The following PTPRS variants were observed in gnomAD, a reference collection of about 807,000 sequenced individuals.
The protein encoded by PTPRS is receptor-type tyrosine-protein phosphatase S.
In PTPRS, 63 loss-of-function variants were observed where a neutral mutation model predicts 215.3. The ratio of observed to expected loss-of-function variants is 0.29; its 90% CI spans 0.24 to 0.36. PTPRS has a LOEUF of 0.36. Among genes scored for constraint, PTPRS ranks in the 10% least tolerant of loss-of-function variants. PTPRS has a pLI of 1.00. For synonymous variants in PTPRS, 1,404 were observed against 1,191.4 expected (o/e 1.18, Z -3.68); for missense variants, 2,258 against 2,825.8 (o/e 0.80, Z 4.56).
chr19:5,225,860 G>C lies in PTPRS; in HGVS notation c.2377-16C>G. The C allele has an allele frequency of 6.2e-7, 1 of 1,607,670 alleles. No homozygotes were observed. Among genetic ancestry groups the C allele is most frequent in the Non-Finnish European group, 8.5e-7 (1 of 1,174,450 alleles). ...TGACCATCTCCTGCAGGCACGGCTG[G>C]GGGTCAGCACGACGGCTGGGGCTGG... On this transcript the variant is annotated splice_polypyrimidine_tract_variant and intron_variant, in intron 16 of 37. Transcript: ENST00000262963.
At chr19:5,227,034 CAG>C (rs1391488774) in intron 16 of PTPRS, among the ~76,000 whole-genome samples, 1 of 152,058 alleles carries the variant, frequency 6.6e-6, no homozygotes, top group Admixed American at 6.6e-5. Flanking sequence ...CCTGCCCACC[CAG>C]AGAGCTGATT....
At chr19:5,299,271 T>G in intron 1 of PTPRS, among the ~76,000 whole-genome samples, 1 of 151,864 alleles carries the variant, frequency 6.6e-6, no homozygotes. Flanking sequence ...CTGCCCTCCA[T>G]TCCTCCCTCT....
At chr19:5,220,806 C>G (rs1258105948) in intron 20 of PTPRS, among the ~76,000 whole-genome samples, 194 bp downstream of exon 20, 4 of 152,122 alleles carry the variant, frequency 2.6e-5, no homozygotes, top group Admixed American at 2.0e-4. Flanking sequence ...GCTAGAAGAG[C>G]AGACACAGGA....
At position 5,229,693 on chromosome 19, in the gene PTPRS, C is replaced by CGGGAG. The variant is rs538484063; in HGVS notation, c.2156-14_2156-10dup. 1.3e-4 allele frequency: 34 copies of CGGGAG among 265,076 alleles called. No homozygotes were observed. Among genetic ancestry groups the CGGGAG allele is most frequent in the Admixed American group, 1.9e-4 (3 of 15,794 alleles). The allele number at this position is 265,076 out of a possible 1,614,324, so 16.4% of individuals were successfully genotyped here. A position where few individuals can be genotyped will look rare whatever the true frequency, so the allele number is the denominator to read the frequency against. On this transcript the variant is annotated splice_polypyrimidine_tract_variant and intron_variant, in intron 14 of 37. Coordinates refer to ENST00000262963, the MANE Select transcript of PTPRS (RefSeq NM_002850.4). ...CGGCGGCGCGCTGGGCACTGGCGGG[C>CGGGAG]GGGAGGGGAGGGGAGGGGCGGGCGG...
chr19:5,318,758 T>A (rs2049946885), intron 1 of PTPRS, among the ~76,000 whole-genome samples: 1 of 152,106 alleles, frequency 6.6e-6, no homozygotes, highest in South Asian at 2.1e-4. Flanking sequence ...GCTCAAGTGA[T>A]CCTCCCGTCT....
At position 5,212,246 on chromosome 19, in the gene PTPRS, C is replaced by T. The variant is rs571743236; in HGVS notation, c.4774G>A (p.Gly1592Ser). Residue 1592 changes from glycine (G) to serine (S), a missense_variant, in exon 32 of 38, where the codon GGT (glycine) becomes AGT (serine). Gly to Ser is a moderately conservative substitution (Grantham distance 56). Around this residue, in one of 6 missense-constraint regions of PTPRS, gnomAD observed 927 missense variants for 1,125.9 expected, o/e 0.82. Coordinates refer to ENST00000262963, the MANE Select transcript of PTPRS (RefSeq NM_002850.4). ...AGPIVVHCSAGVGRTGCFIVI... is the reference protein window; with the variant it reads ...AGPIVVHCSASVGRTGCFIVI... ...ATAAAGCAGCCTGTGCGGCCCACACCGGCACTGCAGGGACAGCCACGTGGC... is the reference window on the plus strand; with the variant it reads ...ATAAAGCAGCCTGTGCGGCCCACACTGGCACTGCAGGGACAGCCACGTGGC... The T allele has an allele frequency of 7.5e-6, 12 of 1,610,200 alleles. No homozygotes were observed. Among genetic ancestry groups the T allele is most frequent in the African/African-American group, 1.3e-5 (1 of 74,894 alleles).
chr19:5,229,359 G>A lies in PTPRS; in HGVS notation c.2350-17C>T. The A allele has an allele frequency of 1.5e-6, 2 of 1,375,360 alleles. No individual in the cohort carries two copies. Among genetic ancestry groups the A allele is most frequent in the Non-Finnish European group, 1.9e-6 (2 of 1,059,182 alleles). The allele number at this position is 1,375,360 out of a possible 1,614,324, so 85.2% of individuals were successfully genotyped here. ...CGTCTCCCACTGAGCGCGGGAGGAG[G>A]CGGCAGGGGAGAGAGGAGGAAGGTG... is the stretch of plus-strand genomic sequence containing the variant. On this transcript the variant is annotated splice_polypyrimidine_tract_variant and intron_variant, in intron 15 of 37. Coordinates refer to ENST00000262963, the MANE Select transcript of PTPRS (RefSeq NM_002850.4).
At chr19:5,226,357 G>A (rs749464706) in intron 16 of PTPRS, among the ~76,000 whole-genome samples, 44 of 152,220 alleles carry the variant, frequency 2.9e-4, no homozygotes, top group Non-Finnish European at 2.9e-4. Flanking sequence ...GGAGGTGCCC[G>A]GTACCAACTC....
chr19:5,209,644 A>G (rs972012665), intron 35 of PTPRS, among the ~76,000 whole-genome samples: 4 of 151,986 alleles, frequency 2.6e-5, no homozygotes, highest in African/African-American at 9.7e-5. Context: ...CTGGCCAAAC[A>G]TTTGCCCTTC....
intron 6 of PTPRS, 131 bp from the exon 7 acceptor site, chr19:5,260,953 G>A: frequency 4.5e-6 from 5 of 1,105,402 alleles, no homozygotes; most frequent in South Asian, 4.1e-5. Flanking sequence ...GATCGAGCCA[G>A]CCCTGGGCAT....
At chr19:5,335,995 C>T (rs2050485126) in intron 1 of PTPRS, among the ~76,000 whole-genome samples, 1 of 150,374 alleles carries the variant, frequency 6.7e-6, no homozygotes, top group Non-Finnish European at 1.5e-5. Flanking sequence ...GGACCGGCAG[C>T]TCCATGGAGG....
chr19:5,239,111 G>C (rs1215847056), intron 12 of PTPRS, 48 bp from the exon 13 acceptor site: 10 of 1,460,448 alleles, frequency 6.8e-6, no homozygotes, highest in Non-Finnish European at 9.4e-6. Context: ...GAGAGAGAGA[G>C]AGAGACAGAA....
chr19:5,307,542 C>T (rs976196729), intron 1 of PTPRS, among the ~76,000 whole-genome samples: 5 of 152,082 alleles, frequency 3.3e-5, no homozygotes, highest in African/African-American at 1.2e-4. Flanking sequence ...AGGTACAGAA[C>T]AGCATGTAGA....
chr19:5,236,562 G>T (rs966165041), intron 13 of PTPRS, among the ~76,000 whole-genome samples: 2 of 152,226 alleles, frequency 1.3e-5, no homozygotes, highest in Admixed American at 1.3e-4. Flanking sequence ...AGAGCAGCTT[G>T]CTTGGTGGCT....
intron 1 of PTPRS, among the ~76,000 whole-genome samples, chr19:5,298,928 C>T (rs918570925): frequency 3.9e-5 from 6 of 152,214 alleles, no homozygotes; most frequent in African/African-American, 1.4e-4. Context: ...TCCCTCACCC[C>T]ATATGGTGTT....
chr19:5,336,983 G>C (rs1319578109), intron 1 of PTPRS, among the ~76,000 whole-genome samples: 1 of 152,172 alleles, frequency 6.6e-6, no homozygotes, highest in Non-Finnish European at 1.5e-5. Context: ...CCTGGATGCA[G>C]AGGAGAGCTG....
chr19:5,216,178 G>A (rs2041429436), intron 26 of PTPRS, among the ~76,000 whole-genome samples: 1 of 152,098 alleles, frequency 6.6e-6, no homozygotes, highest in South Asian at 2.1e-4. Context: ...GCGCTTGCTT[G>A]GGGCAGGAGC....
At chr19:5,290,419 G>A (rs910034249) in intron 1 of PTPRS, among the ~76,000 whole-genome samples, 22 of 152,326 alleles carry the variant, frequency 1.4e-4, no homozygotes, top group African/African-American at 2.9e-4. Context: ...GGGCTCCCCC[G>A]CGGTGCTAAT....
chr19:5,222,409 C>T lies in PTPRS; in HGVS notation c.3104-189G>A, dbSNP rs376152752. On this transcript the variant is annotated intron_variant, in intron 18 of 37. Transcript: ENST00000262963. ...CCTGTCCTGTCCCAAGTCCCTGCTT[C>T]GGGAGACGGCACGGGTGCAGAGGCT... 1.3e-3 allele frequency among the ~76,000 whole-genome samples: 170 copies of T among 133,004 alleles called. 1 individual carries two copies. Among genetic ancestry groups the T allele is most frequent in the African/African-American group, 4.3e-3 (155 of 36,286 alleles). The allele number at this position is 133,004 out of a possible 152,430, so 87.3% of individuals were successfully genotyped here.
Sources: gnomAD v4.1 joint callset for allele counts (sites outside exome capture counted in the v4.1 genomes callset) on GRCh38, gnomAD v4.1.1 for gene constraint, gnomAD v4.1.1 regional missense constraint, MANE v1.5 for transcripts, NCBI Gene and HGNC (gene_info 2026-07-23, HGNC 2026-07-21) for gene names.